The following TMEM74 variants were observed in gnomAD, a reference collection of about 807,000 sequenced individuals.
The protein encoded by TMEM74 is transmembrane protein 74.
A neutral mutation model predicts 18.1 loss-of-function variants in TMEM74; 13 were observed. The ratio of observed to expected loss-of-function variants is 0.72; its 90% CI spans 0.47 to 1.14. The LOEUF is 1.14. Ranked by LOEUF, TMEM74 falls within the 50% of genes most tolerant of loss-of-function variation. TMEM74 has a pLI of 0.00. For synonymous variants in TMEM74, 159 were observed against 146.6 expected, an observed-to-expected ratio of 1.08 and a Z score of -0.61; for missense variants, 372 against 375.9, an observed-to-expected ratio of 0.99 and a Z score of 0.09.
At chr8:108,662,533 T>A (rs528918839) in intron 1 of TMEM74, among the ~76,000 whole-genome samples, 2 of 152,270 alleles carry the variant, frequency 1.3e-5, no homozygotes, top group East Asian at 3.9e-4. Flanking sequence ...TTAGTAGAAC[T>A]ACCCTGCTTA....
chr8:108,651,984 G>A (rs1323600479), intron 2 of TMEM74, among the ~76,000 whole-genome samples: 1 of 151,022 alleles, frequency 6.6e-6, no homozygotes, highest in Non-Finnish European at 1.5e-5. Flanking sequence ...TATATTTGCT[G>A]ACACTCTACT....
In TMEM74 at chr8:108,783,878, T is replaced by G. The variant is rs899457072; in HGVS notation, c.*303A>C. 16 of 214,408 alleles carry G rather than the reference T, an allele frequency of 7.5e-5. No homozygotes were observed. The highest frequency in any genetic ancestry group is 1.3e-4 in the Non-Finnish European group (14 of 109,070). The allele number at this position is 214,408 out of a possible 1,614,324, so 13.3% of individuals were successfully genotyped here. On this transcript the variant is annotated 3_prime_UTR_variant, in exon 2 of 2. Coordinates refer to ENST00000297459, the MANE Select transcript of TMEM74 (RefSeq NM_153015.3). ...ACATCATATATTTGTGTAAAAGAAA[T>G]AATTTGTAGACTGGGTCATTAGAAA...
chr8:108,656,139 A>C (rs988435654), intron 1 of TMEM74, among the ~76,000 whole-genome samples: 2 of 152,156 alleles, frequency 1.3e-5, no homozygotes, highest in Non-Finnish European at 2.9e-5. Flanking sequence ...ACTAATTTCA[A>C]GATTGGTGAG....
intron 1 of TMEM74, among the ~76,000 whole-genome samples, chr8:108,722,569 A>T (rs1813595926): frequency 6.6e-6 from 1 of 152,124 alleles, no homozygotes; most frequent in Non-Finnish European, 1.5e-5. Context: ...AAGTTCATTT[A>T]CTCTCTACCT....
intron 1 of TMEM74, among the ~76,000 whole-genome samples, chr8:108,737,894 GCA>G: frequency 6.6e-6 from 1 of 152,122 alleles, no homozygotes; most frequent in Non-Finnish European, 1.5e-5. Context: ...TCAAAAAGTA[GCA>G]CATAATCTCC....
intron 1 of TMEM74, among the ~76,000 whole-genome samples, chr8:108,670,671 T>G (rs1419836136): frequency 1.3e-5 from 2 of 152,174 alleles, no homozygotes; most frequent in Non-Finnish European, 2.9e-5. Flanking sequence ...ACGACATCTT[T>G]GTGGAAAGTC....
At chr8:108,759,274 T>A (rs902213107) in intron 1 of TMEM74, among the ~76,000 whole-genome samples, 1 of 152,092 alleles carries the variant, frequency 6.6e-6, no homozygotes, top group Non-Finnish European at 1.5e-5. Context: ...TTAAGAAAAG[T>A]GAACTGTTTC....
intron 1 of TMEM74, among the ~76,000 whole-genome samples, chr8:108,773,185 T>A (rs1277297338): frequency 1.3e-5 from 2 of 152,010 alleles, no homozygotes; most frequent in African/African-American, 4.8e-5. Context: ...TGCACTCAGG[T>A]CAGTTATTAT....
intron 1 of TMEM74, among the ~76,000 whole-genome samples, chr8:108,699,157 C>CTTCT (rs1813310200): frequency 3.7e-5 from 2 of 53,796 alleles, no homozygotes; most frequent in African/African-American, 1.7e-4. Flanking sequence ...TCCTTCCTTC[C>CTTCT]TTCCTTCCTT....
chr8:108,749,293 A>AT (rs1306282968), intron 1 of TMEM74, among the ~76,000 whole-genome samples: 1 of 151,726 alleles, frequency 6.6e-6, no homozygotes, highest in Non-Finnish European at 1.5e-5. Context: ...AGCATGGAAT[A>AT]TTTTTCCATT....
rs199936898 is a variant in TMEM74, at chr8:108,697,897, A to G, written n.120-42460T>C. Among the ~76,000 whole-genome samples, 6 of 152,298 alleles carry G rather than the reference A, an allele frequency of 3.9e-5. No homozygotes were observed. The East Asian group carries it at 9.6e-4, about 24-fold the overall frequency. ...TTTGCAAGTTTTTTCAAAGTATACT[A>G]TATCAACTGAGTTGCTTAAAGGGAA... On this transcript the variant is annotated intron_variant and non_coding_transcript_variant, in intron 1 of 3. Coordinates refer to the TMEM74 transcript ENST00000518838.
At chr8:108,647,860 A>G (rs2935762) in intron 2 of TMEM74, among the ~76,000 whole-genome samples, 65,073 of 151,396 alleles carry the variant, frequency 0.43, 15,734 homozygotes, top group East Asian at 0.71. Flanking sequence ...AGAACACTAA[A>G]ATAAAGCACC....
At chr8:108,670,642 G>T (rs1812995490) in intron 1 of TMEM74, among the ~76,000 whole-genome samples, 1 of 152,130 alleles carries the variant, frequency 6.6e-6, no homozygotes, top group Non-Finnish European at 1.5e-5. Flanking sequence ...AGATTAAGAA[G>T]CCTTGAAAAT....
intron 1 of TMEM74, among the ~76,000 whole-genome samples, chr8:108,675,548 T>C (rs987349475): frequency 1.3e-5 from 2 of 152,228 alleles, no homozygotes; most frequent in African/African-American, 2.4e-5. Flanking sequence ...CTCAAATGAA[T>C]GTTGTTTTTG....
chr8:108,731,790 G>A (rs1014392020), intron 1 of TMEM74, among the ~76,000 whole-genome samples: 1 of 151,888 alleles, frequency 6.6e-6, no homozygotes, highest in East Asian at 1.9e-4. Flanking sequence ...TTTGATTATT[G>A]TTCTGTGGAA....
intron 1 of TMEM74, among the ~76,000 whole-genome samples, chr8:108,684,959 T>C (rs1462033857): frequency 6.6e-6 from 1 of 152,116 alleles, no homozygotes; most frequent in Non-Finnish European, 1.5e-5. Flanking sequence ...GTTTTTTCTA[T>C]GTCTGTGAAG....
chr8:108,745,517 G>A (rs1017405365), intron 1 of TMEM74, among the ~76,000 whole-genome samples: 1 of 152,234 alleles, frequency 6.6e-6, no homozygotes, highest in South Asian at 2.1e-4. Context: ...AGAAACAGGT[G>A]CTGGGCTGGA....
At chr8:108,617,720 G>A (rs1356176558) in intron 2 of TMEM74, among the ~76,000 whole-genome samples, 2 of 152,092 alleles carry the variant, frequency 1.3e-5, no homozygotes, top group African/African-American at 2.4e-5. Flanking sequence ...GGAGATGTGG[G>A]GGAGAGAAAG....
At chr8:108,771,446 C>CA (rs950755162) in intron 1 of TMEM74, among the ~76,000 whole-genome samples, 1 of 151,986 alleles carries the variant, frequency 6.6e-6, no homozygotes, top group African/African-American at 2.4e-5. Flanking sequence ...TAACAAAATA[C>CA]AAAAAAATTA....
Sources: gnomAD v4.1 joint callset for allele counts (sites outside exome capture counted in the v4.1 genomes callset) on GRCh38, gnomAD v4.1.1 for gene constraint, MANE v1.5 for transcripts, NCBI Gene and HGNC (gene_info 2026-07-23, HGNC 2026-07-21) for gene names.